ABI3BP: variants seen among roughly 807,000 people sequenced by gnomAD.
ABI3BP encodes the protein ABI family member 3 binding protein, also known as target of Nesh-SH3.
Under a neutral mutation model 268.6 loss-of-function variants are expected in ABI3BP, and 216 were observed. The observed-to-expected ratio is 0.80, with a 90% CI of 0.72 to 0.90. The LOEUF (loss-of-function observed/expected upper bound fraction) is 0.90. Among genes scored for constraint, ABI3BP ranks in the 40% least tolerant of loss-of-function variants. The pLI is 0.00. For synonymous variants in ABI3BP, 730 were observed against 730.0 expected, an observed-to-expected ratio of 1.00 and a Z score of 0.00; for missense variants, 2,090 against 2,182.4, an observed-to-expected ratio of 0.96 and a Z score of 0.84.
intron 48 of ABI3BP, 58 bp from the exon 49 acceptor site, chr3:100,810,535 C>A: frequency 8.3e-7 from 1 of 1,210,768 alleles, no homozygotes; most frequent in Non-Finnish European, 1.2e-6. Context: ...ACCTTGAGTA[C>A]AGATAACAGA....
At chr3:100,880,632 C>G (rs1027053462) in intron 6 of ABI3BP, among the ~76,000 whole-genome samples, 2 of 152,032 alleles carry the variant, frequency 1.3e-5, no homozygotes, top group Non-Finnish European at 2.9e-5. Flanking sequence ...GGGTGATGCC[C>G]CGGAGACAAA....
intron 55 of ABI3BP, 84 bp from the exon 56 acceptor site, chr3:100,789,600 C>T (rs1351977236): frequency 1.5e-6 from 2 of 1,317,158 alleles, no homozygotes; most frequent in Admixed American, 2.1e-5. Context: ...GGACCAACAA[C>T]TCATACACTT....
intron 1 of ABI3BP, among the ~76,000 whole-genome samples, chr3:100,953,315 C>A (rs529878694): frequency 9.9e-5 from 15 of 152,112 alleles, no homozygotes; most frequent in Non-Finnish European, 2.2e-4. Flanking sequence ...CCCTGCTGGA[C>A]AAAAACAGCA....
chr3:100,934,540 T>C (rs1185645875), intron 1 of ABI3BP, among the ~76,000 whole-genome samples: 1 of 152,170 alleles, frequency 6.6e-6, no homozygotes, highest in Non-Finnish European at 1.5e-5. Context: ...TAGTTCTAGA[T>C]CCTTGAGGAA....
intron 37 of ABI3BP, among the ~76,000 whole-genome samples, chr3:100,822,897 T>G (rs1382472600): frequency 6.6e-6 from 1 of 152,118 alleles, no homozygotes; most frequent in Non-Finnish European, 1.5e-5. Flanking sequence ...TTAATGAAAA[T>G]CTCATAGGGT....
intron 57 of ABI3BP, among the ~76,000 whole-genome samples, chr3:100,783,588 C>T (rs1280039426): frequency 6.6e-6 from 1 of 152,214 alleles, no homozygotes. Context: ...AATTAAATAT[C>T]TGTGAAAGAG....
chr3:100,795,998 T>C, intron 52 of ABI3BP, 147 bp from the exon 53 acceptor site: 1 of 516,444 alleles, frequency 1.9e-6, no homozygotes, highest in Non-Finnish European at 2.8e-6. Flanking sequence ...TTCTTCACAT[T>C]AGATGCCAAT....
intron 1 of ABI3BP, among the ~76,000 whole-genome samples, chr3:100,986,211 C>T (rs1316635961): frequency 6.6e-6 from 1 of 152,204 alleles, no homozygotes; most frequent in African/African-American, 2.4e-5. Flanking sequence ...AAATGAGGCC[C>T]TTTGACCAAT....
chr3:100,790,078 A>C (rs1560118680), intron 55 of ABI3BP, among the ~76,000 whole-genome samples: 1 of 152,036 alleles, frequency 6.6e-6, no homozygotes, highest in Admixed American at 6.6e-5. Flanking sequence ...GAAATGACAG[A>C]AAATGACATC....
At chr3:100,984,936 C>T (rs751358205) in intron 1 of ABI3BP, among the ~76,000 whole-genome samples, 2 of 152,004 alleles carry the variant, frequency 1.3e-5, no homozygotes, top group Non-Finnish European at 2.9e-5. Context: ...TGTGTACAAC[C>T]TAAATTTTCT....
intron 56 of ABI3BP, among the ~76,000 whole-genome samples, chr3:100,788,371 T>G (rs1205281177): frequency 1.3e-5 from 2 of 152,106 alleles, no homozygotes; most frequent in Non-Finnish European, 2.9e-5. Flanking sequence ...GGTGATCTAT[T>G]TTATAACCCA....
intron 2 of ABI3BP, among the ~76,000 whole-genome samples, chr3:100,917,684 A>G (rs559920585): frequency 5.9e-4 from 90 of 152,274 alleles, no homozygotes; most frequent in South Asian, 2.7e-3. Flanking sequence ...TTTTGATCTC[A>G]GTGCATTGTG....
rs187252781 is a variant in ABI3BP, at chr3:100,787,735, C to T, written c.4155G>A (p.Val1385=). Residue 1385 remains valine (V), a synonymous_variant, in exon 57 of 68, where the codon GTG becomes GTA. Transcript: ENST00000471714. The stretch of plus-strand genomic sequence containing the variant: ...TACATTTGTGATTATTACCTGTTCC[C>T]ACTCCATTCCCACTGGGCATCCCAC... The part of the protein sequence containing the change: ...KPSGMPSGNG[V]GTGVKQAPRP... 3.9e-6 allele frequency: 6 copies of T among 1,530,544 alleles called. No homozygotes were observed. In the East Asian group the frequency reaches 1.2e-4, roughly 31 times the overall value. The allele number at this position is 1,530,544 out of a possible 1,614,324, so 94.8% of individuals were successfully genotyped here.
intron 58 of ABI3BP, among the ~76,000 whole-genome samples, chr3:100,779,633 A>C (rs3057225): frequency 2.4e-3 from 336 of 142,040 alleles, no homozygotes; most frequent in African/African-American, 8.0e-3. Flanking sequence ...CTCTCTCTCT[A>C]TGTGTTCAGG....
In ABI3BP at chr3:100,770,725, C is replaced by T. The variant is rs1263528567; in HGVS notation, c.4741+18G>A. 4.1e-6 allele frequency: 6 copies of T among 1,455,158 alleles called. No homozygotes were observed. Among genetic ancestry groups the T allele is most frequent in the South Asian group, 3.3e-5 (2 of 61,334 alleles). 90.1% of individuals were successfully genotyped at this position (1,455,158 alleles called of 1,614,324 possible). A position where few individuals can be genotyped will look rare whatever the true frequency, so the allele number is the denominator to read the frequency against. On this transcript the variant is annotated intron_variant, in intron 62 of 67. Transcript: ENST00000471714. ...ATCAAAGCTTCCCACCATAACAGTC[C>T]TCATGCCATGATCTTACCAGTGACA...
At chr3:100,885,116 G>A (rs1297683537) in intron 6 of ABI3BP, among the ~76,000 whole-genome samples, 1 of 152,028 alleles carries the variant, frequency 6.6e-6, no homozygotes, top group Non-Finnish European at 1.5e-5. Flanking sequence ...CAAACTGGTT[G>A]CTCCATTGTT....
chr3:100,794,461 T>A (rs895909071), intron 54 of ABI3BP, among the ~76,000 whole-genome samples: 3 of 151,960 alleles, frequency 2.0e-5, no homozygotes, highest in African/African-American at 7.2e-5. Context: ...TGTCTTCATA[T>A]TAGAGGGTGA....
intron 57 of ABI3BP, among the ~76,000 whole-genome samples, chr3:100,782,274 G>T (rs1336004266): frequency 6.6e-6 from 1 of 152,192 alleles, no homozygotes. Context: ...AAATCTAGGA[G>T]CTCTGAAGAG....
intron 30 of ABI3BP, among the ~76,000 whole-genome samples, chr3:100,832,768 A>AG (rs59050538): frequency 0.14 from 20,758 of 151,946 alleles, 1,850 homozygotes; most frequent in South Asian, 0.26. Context: ...AATAAAGCAA[A>AG]AAAAATTACA....
Sources: allele counts gnomAD v4.1 joint callset (sites outside exome capture counted in the v4.1 genomes callset), GRCh38; gene constraint gnomAD v4.1.1; transcripts MANE v1.5; gene names NCBI Gene and HGNC (gene_info 2026-07-23, HGNC 2026-07-21).